ABCC11: variants seen among roughly 807,000 people sequenced by gnomAD.
ABCC11 encodes the protein ATP binding cassette subfamily C member 11, also known as ATP-binding cassette sub-family C member 11.
ABCC11 carries 135 observed loss-of-function variants against 149.3 expected under a neutral mutation model. That is an observed-to-expected ratio of 0.90 (90% confidence interval 0.79 to 1.04). The LOEUF (loss-of-function observed/expected upper bound fraction) is 1.04, where lower values mean the gene tolerates loss of function less well. ABCC11 is among the 50% of genes least tolerant of loss of function. The pLI is 0.00. For synonymous variants in ABCC11, 665 were observed against 671.4 expected (o/e 0.99, Z 0.15); for missense variants, 1,680 against 1,722.1 (o/e 0.98, Z 0.43).
intron 19 of ABCC11, among the ~76,000 whole-genome samples, chr16:48,193,644 C>A (rs1298075679): frequency 2.0e-5 from 3 of 152,204 alleles, no homozygotes; most frequent in African/African-American, 7.2e-5. Flanking sequence ...GGATATAAAT[C>A]TCTTGGTTTT....
In ABCC11 at chr16:48,242,429, C is replaced by T. The variant is rs373581433; in HGVS notation, c.-19+4885G>A. On this transcript the variant is annotated intron_variant, in intron 1 of 29. Coordinates refer to ENST00000356608, the MANE Select transcript of ABCC11 (RefSeq NM_001370497.1). Reference sequence around the variant, plus strand: ...TGGAGAGGATGTGGAGAAATAGGAACACTTTTACACTGTTGGTGGGACTGT... The same window carrying T: ...TGGAGAGGATGTGGAGAAATAGGAATACTTTTACACTGTTGGTGGGACTGT... Among the ~76,000 whole-genome samples, 113 of 152,234 alleles carry T rather than the reference C, an allele frequency of 7.4e-4. 2 individuals carry two copies. The East Asian group carries it at 0.019, about 26-fold the overall frequency.
chr16:48,244,118 C>A (rs1219261901), intron 1 of ABCC11: 8 of 383,662 alleles, frequency 2.1e-5, no homozygotes, highest in Non-Finnish European at 3.7e-5. Flanking sequence ...CAAATAAGAT[C>A]ATCCTTCCAA....
rs1970828606 is a variant in ABCC11, at chr16:48,238,992, A to G, written c.-18-7053T>C. Among the ~76,000 whole-genome samples the G allele has an allele frequency of 3.3e-5, 5 of 151,760 alleles. No individual in the cohort carries two copies. In the South Asian group the frequency reaches 1.0e-3, roughly 31 times the overall value. ...AACTAAATATCTGTAAGACCATACTAACATTAAAAAGTAATTGAGTAAGTA... is the reference window on the plus strand; with the variant it reads ...AACTAAATATCTGTAAGACCATACTGACATTAAAAAGTAATTGAGTAAGTA... On this transcript the variant is annotated intron_variant, in intron 1 of 29. Transcript: ENST00000356608.
chr16:48,203,137 G>C, intron 14 of ABCC11, 91 bp downstream of exon 14: 1 of 1,335,764 alleles, frequency 7.5e-7, no homozygotes, highest in Non-Finnish European at 1.0e-6. Context: ...GGGAGGAAGA[G>C]CTGGGATTCC....
intron 24 of ABCC11, among the ~76,000 whole-genome samples, chr16:48,177,521 T>C: frequency 6.6e-6 from 1 of 152,222 alleles, no homozygotes; most frequent in East Asian, 1.9e-4. Context: ...TTTGGAGGCA[T>C]TTCCCAGGTG....
rs1485017311 is a variant in ABCC11 at position 48,215,025 on chromosome 16, T to G, written c.1104A>C (p.Leu368=). ...EKPFAKIIED[L]RRKERKLLEK... ...CCAATAGTTTCCTTTCCTTCCTTCT[T>G]AGGTCTGGGAAATAAAAAAGAAATA... Residue 368 remains leucine (L), a synonymous_variant, in exon 9 of 30, where the codon CTA becomes CTC. Coordinates refer to ENST00000356608, the MANE Select transcript of ABCC11 (RefSeq NM_001370497.1). 4 of 1,613,354 alleles carry G rather than the reference T, an allele frequency of 2.5e-6. No individual in the cohort carries two copies. In the East Asian group the frequency reaches 8.9e-5, roughly 36 times the overall value.
chr16:48,187,437 C>T lies in ABCC11; in HGVS notation c.2707-10G>A, dbSNP rs1420973110. The T allele has an allele frequency of 6.3e-7, 1 of 1,598,978 alleles. No homozygotes were observed. The highest frequency in any genetic ancestry group is 8.5e-7 in the Non-Finnish European group (1 of 1,170,836). On this transcript the variant is annotated splice_polypyrimidine_tract_variant and intron_variant, in intron 20 of 29. Transcript: ENST00000356608. ...TGGGGCAGCGGAAAACCTGCAGGGA[C>T]AAAATCAACGCAGACCATGAGAGAA...
chr16:48,231,686 A>T, intron 2 of ABCC11, 137 bp downstream of exon 2: 2 of 1,150,536 alleles, frequency 1.7e-6, no homozygotes, highest in African/African-American at 1.6e-5. Flanking sequence ...AGAGAGAGAG[A>T]GAGAGCAAAA....
rs959613380 is a variant in ABCC11 at position 48,227,910 on chromosome 16, C to A, written c.291G>T (p.Val97=). 6.2e-6 allele frequency: 10 copies of A among 1,613,978 alleles called. No individual in the cohort carries two copies. The highest frequency in any genetic ancestry group is 8.5e-6 in the Non-Finnish European group (10 of 1,179,980). ...DNAGLFSYLT[V]SWLTPLMIQS... is the part of the protein sequence containing the mutation. ...GGATCATGAGCGGGGTGAGCCATGA[C>A]ACGGTGAGGTAGGAGAACAGGCCAG... Residue 97 remains valine (V), a synonymous_variant, in exon 4 of 30, where the codon GTG becomes GTT. Coordinates refer to ENST00000356608, the MANE Select transcript of ABCC11 (RefSeq NM_001370497.1).
intron 4 of ABCC11, among the ~76,000 whole-genome samples, chr16:48,225,170 G>A (rs528480252): frequency 8.5e-5 from 13 of 152,172 alleles, no homozygotes; most frequent in South Asian, 4.1e-4. Flanking sequence ...CCGAGATGGC[G>A]CCACTGCACT....
At position 48,197,915 on chromosome 16, in the gene ABCC11, T is replaced by C. The variant is rs1415215949; in HGVS notation, c.2314+56A>G. ...GGGTCAAGGAGGAAACACTGGGACC[T>C]CTGGAGGACCCAGGCAGGCATGCAG... is the stretch of plus-strand genomic sequence containing the variant. On this transcript the variant is annotated intron_variant, in intron 17 of 29. Coordinates refer to ENST00000356608, the MANE Select transcript of ABCC11 (RefSeq NM_001370497.1). The C allele has an allele frequency of 3.8e-5, 60 of 1,582,562 alleles. 1 individual carries two copies. Among genetic ancestry groups the C allele is most frequent in the Non-Finnish European group, 5.2e-5 (60 of 1,154,788 alleles).
At chr16:48,206,147 A>G (rs528883289) in intron 12 of ABCC11, among the ~76,000 whole-genome samples, 22 of 152,250 alleles carry the variant, frequency 1.4e-4, no homozygotes, top group Non-Finnish European at 2.1e-4. Context: ...CAGTGCCTCC[A>G]TGGTCTTCAC....
chr16:48,203,169 C>G, intron 14 of ABCC11, 59 bp downstream of exon 14: 8 of 1,478,554 alleles, frequency 5.4e-6, no homozygotes, highest in Non-Finnish European at 7.4e-6. Flanking sequence ...CCTGGGGAGG[C>G]AGCATGAACA....
At chr16:48,199,640 G>A (rs1435803726) in intron 15 of ABCC11, among the ~76,000 whole-genome samples, 1 of 146,288 alleles carries the variant, frequency 6.8e-6, no homozygotes, top group Non-Finnish European at 1.5e-5. Context: ...CTGAGAGATT[G>A]GTTTCTTTTT....
At chr16:48,203,378 G>T in intron 13 of ABCC11, 78 bp from the exon 14 acceptor site, 2 of 1,345,818 alleles carry the variant, frequency 1.5e-6, no homozygotes, top group South Asian at 1.3e-5. Flanking sequence ...GAGAGGAATG[G>T]TCTTGATTTT....
At chr16:48,204,313 C>T (rs1298588876) in intron 13 of ABCC11, among the ~76,000 whole-genome samples, 4 of 152,022 alleles carry the variant, frequency 2.6e-5, no homozygotes, top group Non-Finnish European at 5.9e-5. Context: ...CAATCTTACG[C>T]GGGGTGGAAC....
Position 48,170,908 on chromosome 16 carries a change from C to A in ABCC11, c.3758G>T (p.Arg1253Met). Reference sequence around the variant, plus strand: ...ACTTACGGCCTTGGTCAGGAATGTCCTCTCCAAGGCATCCCAGATCTGCTG... The same window carrying A: ...ACTTACGGCCTTGGTCAGGAATGTCATCTCCAAGGCATCCCAGATCTGCTG... The part of the protein sequence containing the change: ...TDQQIWDALE[R>M]TFLTKAISKF... Residue 1253 changes from arginine to methionine, a missense_variant, in exon 27 of 30, where the codon AGG (arginine) becomes ATG (methionine). Physicochemically the swap from Arg to Met is moderately conservative, Grantham distance 91. Transcript: ENST00000356608. 6.2e-7 allele frequency: 1 copy of A among 1,613,990 alleles called. No homozygotes were observed. Among genetic ancestry groups the A allele is most frequent in the Non-Finnish European group, 8.5e-7 (1 of 1,179,814 alleles).
intron 11 of ABCC11, 30 bp from the exon 12 acceptor site, chr16:48,208,526 G>A (rs1968641212): frequency 6.2e-7 from 1 of 1,613,256 alleles, no homozygotes; most frequent in Admixed American, 1.7e-5. Flanking sequence ...TACAAGTGTT[G>A]GGACAGCATA....
At chr16:48,226,978 T>A (rs1970114039) in intron 4 of ABCC11, among the ~76,000 whole-genome samples, 1 of 152,172 alleles carries the variant, frequency 6.6e-6, no homozygotes, top group Non-Finnish European at 1.5e-5. Context: ...ACAGGATCTT[T>A]AAAATCACAT....
Sources: gnomAD v4.1 joint callset for allele counts (sites outside exome capture counted in the v4.1 genomes callset) on GRCh38, gnomAD v4.1.1 for gene constraint, MANE v1.5 for transcripts, NCBI Gene and HGNC (gene_info 2026-07-23, HGNC 2026-07-21) for gene names.